The following MID2 variants were observed in gnomAD, a reference collection of about 807,000 sequenced individuals.
The protein encoded by MID2 is midline 2, also known as probable E3 ubiquitin-protein ligase MID2.
In MID2, 13 loss-of-function variants were observed where a neutral mutation model predicts 46.1. The ratio of observed to expected loss-of-function variants is 0.28; its 90% CI spans 0.18 to 0.45. MID2 has a LOEUF of 0.45. MID2 is among the 20% of genes least tolerant of loss of function. The pLI, the probability that MID2 is intolerant of heterozygous loss-of-function variation, is 1.00. For synonymous variants in MID2, 199 were observed against 212.3 expected (o/e 0.94, Z 0.55); for missense variants, 431 against 575.4 (o/e 0.75, Z 2.57).
chrX:107,876,823 G>A (rs1181369660), intron 3 of MID2, among the ~76,000 whole-genome samples: 5 of 112,000 alleles, frequency 4.5e-5, no homozygotes, highest in Non-Finnish European at 5.6e-5. Context: ...AAAACTTGCC[G>A]TGATCCCCCT....
At chrX:107,845,525 A>ACACACACACTCTCTCTCTCTCTCTCTCT (rs1276957001) in intron 2 of MID2, among the ~76,000 whole-genome samples, 1 of 72,946 alleles carries the variant, frequency 1.4e-5, no homozygotes, top group African/African-American at 7.6e-5. Flanking sequence ...ACACACACAC[A>ACACACACACTCTCTCTCTCTCTCTCTCT]CTCTCTCTCT....
At chrX:107,904,339 C>T (rs1241234817) in intron 4 of MID2, among the ~76,000 whole-genome samples, 2 of 111,607 alleles carry the variant, frequency 1.8e-5, no homozygotes, top group Non-Finnish European at 3.8e-5. Context: ...GGGTGCTTTA[C>T]TGTTGTATGT....
chrX:107,826,235 G>C lies in MID2; in HGVS notation c.-192G>C, dbSNP rs941505703. On this transcript the variant is annotated 5_prime_UTR_variant, in exon 1 of 10. Transcript: ENST00000262843. ...CGGGGCGCGCGGGCTGGCGGATCCC[G>C]GCTGCTGCGCGGCGTCGGCGACGGT... is the stretch of plus-strand genomic sequence containing the variant. The C allele has an allele frequency of 1.8e-4, 66 of 372,352 alleles. No homozygotes were observed. Among genetic ancestry groups the C allele is most frequent in the Non-Finnish European group, 2.4e-4 (59 of 246,910 alleles). The allele number at this position is 372,352 out of a possible 1,213,427, so 30.7% of individuals were successfully genotyped here.
intron 3 of MID2, among the ~76,000 whole-genome samples, chrX:107,858,580 G>T (rs191400450): frequency 1.8e-5 from 2 of 112,143 alleles, no homozygotes. Context: ...TGGGCGATTT[G>T]GGGGCTACAA....
chrX:107,860,996 A>G (rs1254141996), intron 3 of MID2, among the ~76,000 whole-genome samples: 9 of 112,064 alleles, frequency 8.0e-5, no homozygotes. Flanking sequence ...AGACCAAGGT[A>G]CACGCCACTT....
intron 2 of MID2, among the ~76,000 whole-genome samples, chrX:107,845,478 T>C (rs1416642517): frequency 1.1e-4 from 12 of 106,860 alleles, no homozygotes; most frequent in Admixed American, 1.1e-3. Context: ...GTAAGCCTTT[T>C]ATCATGGGAA....
Position 107,850,189 on chromosome X carries a change from G to GAC in MID2, c.721-4393_721-4392dup, listed in dbSNP as rs201492124. On this transcript the variant is annotated intron_variant, in intron 2 of 9. Coordinates refer to ENST00000262843, the MANE Select transcript of MID2 (RefSeq NM_012216.4). ...AGACACACACATCCACACACACACA[G>GAC]ACACACACACACACACACACACACA... Among the ~76,000 whole-genome samples the GAC allele has an allele frequency of 7.3e-3, 750 of 102,138 alleles. 8 individuals carry two copies. Among genetic ancestry groups the GAC allele is most frequent in the Middle Eastern group, 0.038 (8 of 208 alleles). The allele number at this position is 102,138 out of a possible 115,157, so 88.7% of individuals were successfully genotyped here.
chrX:107,837,211 G>C (rs1248593163), intron 1 of MID2, among the ~76,000 whole-genome samples: 2 of 112,054 alleles, frequency 1.8e-5, no homozygotes, highest in Non-Finnish European at 3.8e-5. Context: ...AAATTTAAGA[G>C]CTTTTCCTCT....
intron 3 of MID2, among the ~76,000 whole-genome samples, chrX:107,901,934 T>A (rs1363160909): frequency 2.7e-5 from 3 of 111,678 alleles, no homozygotes; most frequent in Non-Finnish European, 5.7e-5. Context: ...GAGAAACGGA[T>A]GACAGAATAA....
intron 3 of MID2, among the ~76,000 whole-genome samples, chrX:107,885,036 T>C (rs1261682669): frequency 8.9e-6 from 1 of 112,132 alleles, no homozygotes; most frequent in African/African-American, 3.2e-5. Context: ...GGCCAGATTT[T>C]TGGAATTTCC....
At chrX:107,901,687 A>C (rs961901251) in intron 3 of MID2, among the ~76,000 whole-genome samples, 5 of 111,530 alleles carry the variant, frequency 4.5e-5, no homozygotes, top group African/African-American at 1.6e-4. Flanking sequence ...GTATAATTGA[A>C]CTATATATAG....
At chrX:107,871,406 G>C (rs1192046543) in intron 3 of MID2, among the ~76,000 whole-genome samples, 1 of 111,487 alleles carries the variant, frequency 9.0e-6, no homozygotes, top group Non-Finnish European at 1.9e-5. Context: ...GAGCGAAACT[G>C]TGCTTCCCCA....
Position 107,841,315 on chromosome X carries a change from T to C in MID2, c.650T>C (p.Leu217Ser). 1 of 1,211,120 alleles carries C rather than the reference T, an allele frequency of 8.3e-7. No homozygotes were observed. The highest frequency in any genetic ancestry group is 1.1e-6 in the Non-Finnish European group (1 of 895,163). Residue 217 changes from leucine (L) to serine (S), a missense_variant, in exon 2 of 10, where the codon TTA (leucine) becomes TCA (serine). Leu to Ser is a moderately radical substitution (Grantham distance 145). Transcript: ENST00000262843. ...CVSDDQLICA[L>S]CKLVGRHRDH... Reference sequence around the variant, plus strand: ...TCTGATGACCAATTGATCTGTGCCTTATGCAAACTGGTGGGTCGTCACCGA... The same window carrying C: ...TCTGATGACCAATTGATCTGTGCCTCATGCAAACTGGTGGGTCGTCACCGA...
chrX:107,889,817 C>CT (rs769817407), intron 3 of MID2, among the ~76,000 whole-genome samples: 1 of 111,384 alleles, frequency 9.0e-6, no homozygotes, highest in Non-Finnish European at 1.9e-5. Flanking sequence ...TCGTTCATTT[C>CT]TTTTTTTTCT....
chrX:107,875,578 T>A (rs1932178602), intron 3 of MID2, among the ~76,000 whole-genome samples: 1 of 111,497 alleles, frequency 9.0e-6, no homozygotes, highest in Non-Finnish European at 1.9e-5. Context: ...TGTGTTAATA[T>A]CAGTCTTCAC....
Position 107,841,340 on chromosome X carries a change from A to C in MID2, c.675A>C (p.Arg225=). 3.3e-6 allele frequency: 4 copies of C among 1,208,721 alleles called. No homozygotes were observed. In the South Asian group the frequency reaches 7.1e-5, roughly 21 times the overall value. ...TATGCAAACTGGTGGGTCGTCACCG[A>C]GACCATCAGGTCGCATCCCTGAATG... ...CALCKLVGRH[R]DHQVASLNDR... The change falls in exon 2 of 10, where the codon CGA becomes CGC. Residue 225 remains arginine (R), a synonymous_variant. Coordinates refer to ENST00000262843, the MANE Select transcript of MID2 (RefSeq NM_012216.4).
intron 3 of MID2, chrX:107,894,697 C>T (rs1298425213): frequency 9.0e-6 from 1 of 111,470 alleles, no homozygotes; most frequent in Non-Finnish European, 1.9e-5. Context: ...GTTAGGGATA[C>T]AGTGAACAAA....
chrX:107,875,842 C>T (rs1483102626), intron 3 of MID2, among the ~76,000 whole-genome samples: 1 of 111,800 alleles, frequency 8.9e-6, no homozygotes, highest in African/African-American at 3.3e-5. Context: ...GAGACCAACC[C>T]CAGTGTCCAA....
chrX:107,874,363 G>T (rs776343808), intron 3 of MID2, among the ~76,000 whole-genome samples: 1 of 112,605 alleles, frequency 8.9e-6, no homozygotes, highest in Non-Finnish European at 1.9e-5. Context: ...TATGTGGAGT[G>T]CAAACAGTTA....
Sources: allele counts gnomAD v4.1 joint callset (sites outside exome capture counted in the v4.1 genomes callset), GRCh38; gene constraint gnomAD v4.1.1; transcripts MANE v1.5; gene names NCBI Gene and HGNC (gene_info 2026-07-23, HGNC 2026-07-21).